Variants in SUPT3H observed in about 807,000 individuals in gnomAD.
The protein encoded by SUPT3H is SPT3 homolog, SAGA and STAGA complex component.
SUPT3H carries 44 observed loss-of-function variants against 44.3 expected under a neutral mutation model. That is an observed-to-expected ratio of 0.99 (90% CI 0.78 to 1.28). The LOEUF (loss-of-function observed/expected upper bound fraction) is 1.28, where lower values mean the gene tolerates loss of function less well. Ranked by LOEUF, SUPT3H falls within the 50% of genes most tolerant of loss-of-function variation. The probability of loss-of-function intolerance (pLI) is 0.00; values close to 1 mark genes in which losing one functional copy is unlikely to be tolerated. For missense variants in SUPT3H, 380 were observed against 387.1 expected, an observed-to-expected ratio of 0.98 and a Z score of 0.15; for synonymous variants, 124 against 125.6, an observed-to-expected ratio of 0.99 and a Z score of 0.09.
At chr6:44,905,432 C>G (rs916599463) in intron 10 of SUPT3H, among the ~76,000 whole-genome samples, 4 of 150,208 alleles carry the variant, frequency 2.7e-5, no homozygotes, top group Admixed American at 6.6e-5. Flanking sequence ...CTCATCATCA[C>G]TGGCCATCAG....
At chr6:45,196,616 C>T (rs988566333) in intron 2 of SUPT3H, among the ~76,000 whole-genome samples, 61 of 152,116 alleles carry the variant, frequency 4.0e-4, no homozygotes, top group African/African-American at 1.4e-3. Context: ...TTTAGCATTA[C>T]ACAAACATCT....
At chr6:45,190,608 G>C (rs1471235683) in intron 2 of SUPT3H, among the ~76,000 whole-genome samples, 1 of 152,044 alleles carries the variant, frequency 6.6e-6, no homozygotes, top group African/African-American at 2.4e-5. Flanking sequence ...AACGTAGATA[G>C]TTTATAAGGG....
At chr6:44,984,802 GAAACAT>G (rs947667007) in intron 6 of SUPT3H, among the ~76,000 whole-genome samples, 2 of 152,062 alleles carry the variant, frequency 1.3e-5, no homozygotes, top group African/African-American at 4.8e-5. Flanking sequence ...GGCATTGCCA[GAAACAT>G]AAACATAAAT....
intron 2 of SUPT3H, among the ~76,000 whole-genome samples, chr6:45,169,912 T>C (rs115393116): frequency 0.018 from 2,679 of 152,230 alleles, 51 homozygotes; most frequent in South Asian, 0.086. Context: ...TTCAAACCAG[T>C]ATATAAAGAA....
At chr6:44,903,601 T>C (rs976121287) in intron 10 of SUPT3H, among the ~76,000 whole-genome samples, 8 of 152,030 alleles carry the variant, frequency 5.3e-5, no homozygotes, top group African/African-American at 1.7e-4. Context: ...CTACCAGAGG[T>C]ACAAGTAGGA....
At chr6:44,998,403 C>T (rs1002989265) in intron 6 of SUPT3H, among the ~76,000 whole-genome samples, 1 of 151,896 alleles carries the variant, frequency 6.6e-6, no homozygotes, top group African/African-American at 2.4e-5. Flanking sequence ...AAATTGGTTA[C>T]TAAATTATCG....
At chr6:44,997,030 C>T (rs1406004653) in intron 6 of SUPT3H, among the ~76,000 whole-genome samples, 4 of 151,708 alleles carry the variant, frequency 2.6e-5, no homozygotes, top group South Asian at 4.2e-4. Flanking sequence ...TTTTGACTGT[C>T]GTAGTTTCAT....
chr6:44,884,314 A>C (rs940781078), intron 10 of SUPT3H, among the ~76,000 whole-genome samples: 3 of 152,210 alleles, frequency 2.0e-5, no homozygotes, highest in South Asian at 4.1e-4. Context: ...ATACCATCTC[A>C]CGCCAGTTAG....
downstream of SUPT3H, among the ~76,000 whole-genome samples, chr6:44,826,342 T>TTGAG (rs1170810925): frequency 3.9e-5 from 6 of 152,218 alleles, no homozygotes; most frequent in Non-Finnish European, 8.8e-5. Flanking sequence ...AAGTTTCATC[T>TTGAG]TGAGTTTCAA....
At chr6:45,312,684 G>GC (rs1303161638) in intron 2 of SUPT3H, among the ~76,000 whole-genome samples, 5 of 13,514 alleles carry the variant, frequency 3.7e-4, no homozygotes, top group African/African-American at 2.2e-3. Context: ...CAATAATGTG[G>GC]GGGGGGGGGG....
At chr6:44,961,684 C>T in intron 7 of SUPT3H, 69 bp downstream of exon 7, 1 of 1,234,108 alleles carries the variant, frequency 8.1e-7, no homozygotes, top group Non-Finnish European at 1.2e-6. Context: ...CAGATCCTGT[C>T]ATACTTTAGT....
chr6:44,865,185 C>A (rs554160366), intron 10 of SUPT3H, among the ~76,000 whole-genome samples: 3 of 152,228 alleles, frequency 2.0e-5, no homozygotes, highest in Admixed American at 1.3e-4. Flanking sequence ...CCATCTGAGA[C>A]CACCTCAGCG....
chr6:45,368,007 T>C (rs970803174), intron 1 of SUPT3H, among the ~76,000 whole-genome samples: 4 of 152,204 alleles, frequency 2.6e-5, no homozygotes, highest in African/African-American at 7.2e-5. Flanking sequence ...ATCATTCCAA[T>C]GCTCTATTTC....
chr6:45,362,483 C>T (rs1794433758), intron 2 of SUPT3H, among the ~76,000 whole-genome samples: 1 of 152,130 alleles, frequency 6.6e-6, no homozygotes, highest in Non-Finnish European at 1.5e-5. Flanking sequence ...TTGAAATATA[C>T]ATAAGCAAGA....
At chr6:44,813,788 A>G (rs1469221587) in intron 11 of SUPT3H, among the ~76,000 whole-genome samples, 1 of 152,082 alleles carries the variant, frequency 6.6e-6, no homozygotes, top group Non-Finnish European at 1.5e-5. Flanking sequence ...GGTCAGTAGA[A>G]AATATTCATA....
intron 2 of SUPT3H, among the ~76,000 whole-genome samples, chr6:45,235,473 T>C (rs978118231): frequency 3.9e-5 from 6 of 152,000 alleles, no homozygotes; most frequent in Non-Finnish European, 8.8e-5. Context: ...ATGTAATATA[T>C]GTATTTGATA....
At chr6:45,363,341 T>C (rs1162748161) in intron 2 of SUPT3H, among the ~76,000 whole-genome samples, 3 of 152,204 alleles carry the variant, frequency 2.0e-5, no homozygotes, top group Non-Finnish European at 4.4e-5. Flanking sequence ...ATAAATACTA[T>C]AAATTTTGAA....
chr6:45,053,189 T>C (rs958838022), intron 3 of SUPT3H, among the ~76,000 whole-genome samples: 17 of 148,278 alleles, frequency 1.1e-4, no homozygotes, highest in Admixed American at 7.4e-4. Flanking sequence ...CATGTGCCAC[T>C]GGGCCCAGCT....
intron 2 of SUPT3H, among the ~76,000 whole-genome samples, chr6:45,342,443 T>C (rs969378124): frequency 6.6e-6 from 1 of 152,114 alleles, no homozygotes; most frequent in African/African-American, 2.4e-5. Context: ...GTATTTTTAG[T>C]AGAGATGGAG....
Sources: gnomAD v4.1 joint callset for allele counts (sites outside exome capture counted in the v4.1 genomes callset) on GRCh38, gnomAD v4.1.1 for gene constraint, MANE v1.5 for transcripts, NCBI Gene and HGNC (gene_info 2026-07-23, HGNC 2026-07-21) for gene names.